ZNF416: variants seen among roughly 807,000 people sequenced by gnomAD.
ZNF416 encodes zinc finger protein 416.
A neutral mutation model predicts 10.9 loss-of-function variants in ZNF416; 5 were observed. The ratio of observed to expected loss-of-function variants is 0.46; its 90% CI spans 0.24 to 0.97. ZNF416 has a LOEUF of 0.97. Among genes scored for constraint, ZNF416 ranks in the 50% least tolerant of loss-of-function variants. The pLI is 0.19. For missense variants in ZNF416, 675 were observed against 715.0 expected, an observed-to-expected ratio of 0.94 and a Z score of 0.64; for synonymous variants, 267 against 251.8, an observed-to-expected ratio of 1.06 and a Z score of -0.57.
chr19:57,578,134 T>C (rs1599910911), intron 1 of ZNF416, 36 bp from the exon 2 acceptor site: 1 of 1,612,834 alleles, frequency 6.2e-7, no homozygotes, highest in Non-Finnish European at 8.5e-7. Context: ...GGCAGGTAAC[T>C]ATGGTGGAAG....
rs555535911 is a variant in ZNF416, at chr19:57,575,440, T to C, written c.202+364A>G. ...AACCACAGCTCATGGTCCATGTAAA[T>C]ACTGATGAGGAAAATTCTGCAAATT... On this transcript the variant is annotated intron_variant, in intron 3 of 3. Transcript: ENST00000196489. This position sits in a 1 kb window ranked among gnomAD's most constrained non-coding sequence, Gnocchi z 4.4. Among the ~76,000 whole-genome samples, 10 of 152,248 alleles carry C rather than the reference T, an allele frequency of 6.6e-5. No individual in the cohort carries two copies. Among genetic ancestry groups the C allele is most frequent in the African/African-American group, 2.4e-4 (10 of 41,528 alleles).
At position 57,573,219 on chromosome 19, in the gene ZNF416, T is replaced by G. The variant is rs1198294358; in HGVS notation, c.685A>C (p.Thr229Pro). The G allele has an allele frequency of 6.2e-7, 1 of 1,614,070 alleles. No individual in the cohort carries two copies. Among genetic ancestry groups the G allele is most frequent in the Non-Finnish European group, 8.5e-7 (1 of 1,180,038 alleles). The change falls in exon 4 of 4, where the codon ACT becomes CCT. Residue 229 changes from threonine (T) to proline (P), a missense_variant. Transcript: ENST00000196489. ...GTGCAGACTCTAGGGTGAAAAAAAG[T>G]GTGTTTGTGGCTGGACTCTCTCCTG... The part of the protein sequence containing the change: ...QCRRESSHKH[T>P]FFHPRVCTGK...
chr19:57,578,539 A>G lies in ZNF416; in HGVS notation c.33+133T>C. 3.9e-6 allele frequency: 4 copies of G among 1,019,196 alleles called. No homozygotes were observed. The South Asian group carries it at 7.0e-5, about 18-fold the overall frequency. 63.1% of individuals were successfully genotyped at this position (1,019,196 alleles called of 1,614,324 possible). A position where few individuals can be genotyped will look rare whatever the true frequency, so the allele number is the denominator to read the frequency against. On this transcript the variant is annotated intron_variant, in intron 1 of 3. Coordinates refer to ENST00000196489, the MANE Select transcript of ZNF416 (RefSeq NM_017879.3). ...CCACGACACCAGGCTTGTAAATGGG[A>G]GCCCCACCCGCGAGGGCCTCATAGT...
At position 57,572,574 on chromosome 19, in the gene ZNF416, C is replaced by T. The variant is rs372260953; in HGVS notation, c.1330G>A (p.Gly444Arg). 29 of 1,613,846 alleles carry T rather than the reference C, an allele frequency of 1.8e-5. No individual in the cohort carries two copies. The highest frequency in any genetic ancestry group is 8.3e-5 in the Admixed American group (5 of 59,982). The change falls in exon 4 of 4, where the codon GGA becomes AGA. Residue 444 changes from glycine (G) to arginine (R), a missense_variant. Coordinates refer to ENST00000196489, the MANE Select transcript of ZNF416 (RefSeq NM_017879.3). This position sits in a 1 kb window ranked among gnomAD's most constrained non-coding sequence, Gnocchi z 4.5. ...GTGGTTCTTTGGCTAAAGGATTTTC[C>T]GCACTCATCACACTCAAAGGGCCTA... is the stretch of plus-strand genomic sequence containing the variant. Reference protein sequence around the residue: ...GARPFECDECGKSFSQRTTLN... With the variant: ...GARPFECDECRKSFSQRTTLN...
rs1302735562 is a variant in ZNF416 at position 57,578,667 on chromosome 19, C to G, written c.33+5G>C. 3.9e-6 allele frequency: 6 copies of G among 1,553,782 alleles called. No individual in the cohort carries two copies. Among genetic ancestry groups the G allele is most frequent in the Non-Finnish European group, 5.2e-6 (6 of 1,151,646 alleles). Reference sequence around the variant, plus strand: ...CAGGTGAGGCCCGGGAGACGCAGCACTCACCGAAGTCGAATCCCTAAGCAC... The same window carrying G: ...CAGGTGAGGCCCGGGAGACGCAGCAGTCACCGAAGTCGAATCCCTAAGCAC... On this transcript the variant is annotated splice_donor_5th_base_variant and intron_variant, in intron 1 of 3. Coordinates refer to ENST00000196489, the MANE Select transcript of ZNF416 (RefSeq NM_017879.3).
rs1217850999 is a variant in ZNF416 at position 57,572,586 on chromosome 19, A to G, written c.1318T>C (p.Cys440Arg). 2 of 1,613,990 alleles carry G rather than the reference A, an allele frequency of 1.2e-6. No homozygotes were observed. Among genetic ancestry groups the G allele is most frequent in the Non-Finnish European group, 1.7e-6 (2 of 1,179,988 alleles). The change falls in exon 4 of 4, where the codon TGT (cysteine) becomes CGT (arginine). Residue 440 changes from cysteine to arginine, a missense_variant. Cys to Arg is a radical substitution (Grantham distance 180). Coordinates refer to ENST00000196489, the MANE Select transcript of ZNF416 (RefSeq NM_017879.3). The surrounding 1 kb of genome is among the most constrained non-coding windows in gnomAD (Gnocchi z 4.5). ...LIHSGARPFECDECGKSFSQR... is the reference protein window; with the variant it reads ...LIHSGARPFERDECGKSFSQR... Reference sequence around the variant, plus strand: ...CTAAAGGATTTTCCGCACTCATCACACTCAAAGGGCCTAGCTCCACTGTGA... The same window carrying G: ...CTAAAGGATTTTCCGCACTCATCACGCTCAAAGGGCCTAGCTCCACTGTGA...
In ZNF416 at chr19:57,573,393, A is replaced by C; in HGVS notation, c.511T>G (p.Phe171Val). The change falls in exon 4 of 4, where the codon TTC (phenylalanine) becomes GTC (valine). Residue 171 changes from phenylalanine to valine, a missense_variant. By Grantham distance (50) the Phe-to-Val change is conservative. Transcript: ENST00000196489. ...CCLFHESGMPFTSSEVGKDFL... is the reference protein window; with the variant it reads ...CCLFHESGMPVTSSEVGKDFL... Reference sequence around the variant, plus strand: ...TCCTTCCCAACCTCACTGCTGGTGAAAGGCATTCCTGACTCATGGAACAGG... The same window carrying C: ...TCCTTCCCAACCTCACTGCTGGTGACAGGCATTCCTGACTCATGGAACAGG... 6.2e-7 allele frequency: 1 copy of C among 1,614,234 alleles called. No individual in the cohort carries two copies. Among genetic ancestry groups the C allele is most frequent in the Non-Finnish European group, 8.5e-7 (1 of 1,180,036 alleles).
At chr19:57,577,633 T>C (rs1026313695) in intron 2 of ZNF416, among the ~76,000 whole-genome samples, 2 of 152,196 alleles carry the variant, frequency 1.3e-5, no homozygotes, top group Non-Finnish European at 2.9e-5. Flanking sequence ...GGGAACCTGA[T>C]GAGACCTGGA....
rs542822556 is a variant in ZNF416 at position 57,571,914 on chromosome 19, A to T, written c.*205T>A. The T allele has an allele frequency of 1.7e-6, 1 of 591,674 alleles. No individual in the cohort carries two copies. The allele number at this position is 591,674 out of a possible 1,614,324, so 36.7% of individuals were successfully genotyped here. On this transcript the variant is annotated 3_prime_UTR_variant, in exon 4 of 4. Transcript: ENST00000196489. ...TTTAACTCTGGCAAAGGCCTCCAGC[A>T]GTTTAGAACATGCAAAGGAGCTCCT...
chr19:57,572,757 CAT>C lies in ZNF416; in HGVS notation c.1145_1146del (p.Tyr382Ter), dbSNP rs753937550. 1 of 1,614,196 alleles carries C rather than the reference CAT, an allele frequency of 6.2e-7. No individual in the cohort carries two copies. Among genetic ancestry groups the C allele is most frequent in the Non-Finnish European group, 8.5e-7 (1 of 1,180,038 alleles). The stretch of plus-strand genomic sequence containing the variant: ...AATAATTTCCCACATTCACCACACT[CAT>C]ATGGCTTTTCTCCTGTGTGAGTTCT... Reference protein sequence around the residue: ...HQRTHTGEKPYECGECGKLFR... With the variant: ...HQRTHTGEKPXECGECGKLFR... On this transcript the variant is annotated frameshift_variant, in exon 4 of 4. Transcript: ENST00000196489. LOFTEE classifies it low-confidence loss of function (END_TRUNC). This position sits in a 1 kb window ranked among gnomAD's most constrained non-coding sequence, Gnocchi z 4.5.
Position 57,573,016 on chromosome 19 carries a change from C to T in ZNF416, c.888G>A (p.Arg296=). 1.9e-6 allele frequency: 3 copies of T among 1,614,214 alleles called. No individual in the cohort carries two copies. Among genetic ancestry groups the T allele is most frequent in the Non-Finnish European group, 2.5e-6 (3 of 1,180,036 alleles). Residue 296 remains arginine (R), a synonymous_variant, in exon 4 of 4, where the codon AGG becomes AGA. Transcript: ENST00000196489. ...NDHRRIHTGE[R]PYVCGQCGKS... is the part of the protein sequence containing the mutation. ...TCCCACACTGACCACACACATAAGG[C>T]CTTTCTCCAGTGTGGATTCTCCGAT...
intron 2 of ZNF416, among the ~76,000 whole-genome samples, chr19:57,577,733 C>G (rs992522761): frequency 2.0e-5 from 3 of 152,208 alleles, no homozygotes; most frequent in Non-Finnish European, 4.4e-5. Flanking sequence ...CATTTTTTGT[C>G]TGATTCCTGC....
rs1361449339 is a variant in ZNF416, at chr19:57,571,982, G to A, written c.*137C>T. The A allele has an allele frequency of 2.9e-5, 32 of 1,116,478 alleles. No individual in the cohort carries two copies. Among genetic ancestry groups the A allele is most frequent in the Middle Eastern group, 3.1e-4 (1 of 3,264 alleles). The allele number at this position is 1,116,478 out of a possible 1,614,324, so 69.2% of individuals were successfully genotyped here. A position where few individuals can be genotyped will look rare whatever the true frequency, so the allele number is the denominator to read the frequency against. On this transcript the variant is annotated 3_prime_UTR_variant, in exon 4 of 4. Coordinates refer to ENST00000196489, the MANE Select transcript of ZNF416 (RefSeq NM_017879.3). Reference sequence around the variant, plus strand: ...GGAACTAATGGGAGTCTGACCCATCGGGAGGTCTAGAAGTATGAGGTTTAA... The same window carrying A: ...GGAACTAATGGGAGTCTGACCCATCAGGAGGTCTAGAAGTATGAGGTTTAA...
rs1599911516 is a variant in ZNF416, at chr19:57,578,866, T to G, written c.-162A>C. On this transcript the variant is annotated 5_prime_UTR_variant, in exon 1 of 4. Coordinates refer to ENST00000196489, the MANE Select transcript of ZNF416 (RefSeq NM_017879.3). ...CTAACTCAGGCGGCGTGGGCCGAGG[T>G]AGAGAACCACCAAAATTACCATCTC... 1 of 615,436 alleles carries G rather than the reference T, an allele frequency of 1.6e-6. No individual in the cohort carries two copies. Among genetic ancestry groups the G allele is most frequent in the Non-Finnish European group, 2.5e-6 (1 of 397,140 alleles). 38.1% of individuals were successfully genotyped at this position (615,436 alleles called of 1,614,324 possible).
In ZNF416 at chr19:57,575,801, T is replaced by C; in HGVS notation, c.202+3A>G. On this transcript the variant is annotated splice_donor_region_variant and intron_variant, in intron 3 of 3. Coordinates refer to ENST00000196489, the MANE Select transcript of ZNF416 (RefSeq NM_017879.3). This position sits in a 1 kb window ranked among gnomAD's most constrained non-coding sequence, Gnocchi z 4.4. ...GACACGAGAGTGGGTGTGAGGGCCT[T>C]ACCCAGCGCAGTTATAAGTGCAAAG... is the stretch of plus-strand genomic sequence containing the variant. 6.2e-7 allele frequency: 1 copy of C among 1,613,948 alleles called. No homozygotes were observed. The highest frequency in any genetic ancestry group is 8.5e-7 in the Non-Finnish European group (1 of 1,179,934).
chr19:57,575,985 G>A lies in ZNF416; in HGVS notation c.76-55C>T, dbSNP rs879057128. The A allele has an allele frequency of 2.5e-6, 4 of 1,584,226 alleles. No homozygotes were observed. The South Asian group carries it at 3.4e-5, about 14-fold the overall frequency. On this transcript the variant is annotated intron_variant, in intron 2 of 3. Transcript: ENST00000196489. This position sits in a 1 kb window ranked among gnomAD's most constrained non-coding sequence, Gnocchi z 4.4. Reference sequence around the variant, plus strand: ...ATCAGATTCTCTCCTAGGACCCCAAGTTCATGCCCCCCACACATCCTTTCC... The same window carrying A: ...ATCAGATTCTCTCCTAGGACCCCAAATTCATGCCCCCCACACATCCTTTCC...
At chr19:57,574,086 G>C (rs1052285021) in intron 3 of ZNF416, among the ~76,000 whole-genome samples, 2 of 152,152 alleles carry the variant, frequency 1.3e-5, no homozygotes, top group Non-Finnish European at 2.9e-5. Flanking sequence ...GGTGCTTCCA[G>C]AGTGAGCCAA....
Position 57,578,862 on chromosome 19 carries a change from G to C in ZNF416, c.-158C>G, listed in dbSNP as rs529866915. 4.5e-6 allele frequency: 3 copies of C among 670,234 alleles called. No homozygotes were observed. Among genetic ancestry groups the C allele is most frequent in the Non-Finnish European group, 6.7e-6 (3 of 445,400 alleles). 41.5% of individuals were successfully genotyped at this position (670,234 alleles called of 1,614,324 possible). Reference sequence around the variant, plus strand: ...GTTTCTAACTCAGGCGGCGTGGGCCGAGGTAGAGAACCACCAAAATTACCA... The same window carrying C: ...GTTTCTAACTCAGGCGGCGTGGGCCCAGGTAGAGAACCACCAAAATTACCA... On this transcript the variant is annotated 5_prime_UTR_variant, in exon 1 of 4. Coordinates refer to ENST00000196489, the MANE Select transcript of ZNF416 (RefSeq NM_017879.3).
In ZNF416 at chr19:57,573,562, G is replaced by A. The variant is rs3746222; in HGVS notation, c.342C>T (p.Thr114=). The change falls in exon 4 of 4, where the codon ACC becomes ACT. Residue 114 remains threonine, a synonymous_variant. Transcript: ENST00000196489. ...GCAAATCGGTCAGGTGCAAAATGTCGGTCAGGAATGGGACACACATGTCAC... is the reference window on the plus strand; with the variant it reads ...GCAAATCGGTCAGGTGCAAAATGTCAGTCAGGAATGGGACACACATGTCAC... ...QSCDMCVPFL[T]DILHLTDLPG... 0.19 allele frequency: 300,033 copies of A among 1,613,978 alleles called. 28,783 individuals are homozygous for A. The highest frequency in any genetic ancestry group is 0.21 in the Middle Eastern group (1,290 of 6,062).
Sources: allele counts gnomAD v4.1 joint callset (sites outside exome capture counted in the v4.1 genomes callset), GRCh38; gene constraint gnomAD v4.1.1; non-coding constraint Gnocchi (gnomAD v3.1); transcripts MANE v1.5; gene names NCBI Gene and HGNC (gene_info 2026-07-23, HGNC 2026-07-21).